Variants in DPP10 observed in about 807,000 individuals in gnomAD.
The protein encoded by DPP10 is inactive dipeptidyl peptidase 10.
In DPP10, 33 loss-of-function variants were observed where a neutral mutation model predicts 120.9. The ratio of observed to expected loss-of-function variants is 0.27; its 90% CI spans 0.21 to 0.37. DPP10 has a LOEUF of 0.37. DPP10 is among the 10% of genes least tolerant of loss of function. The pLI is 1.00. For missense variants in DPP10, 816 were observed against 942.8 expected (o/e 0.87, Z 1.76); for synonymous variants, 337 against 326.1 (o/e 1.03, Z -0.36).
At chr2:114,646,188 A>AAATAAATAAATG (rs1553475711) in intron 1 of DPP10, among the ~76,000 whole-genome samples, 36 of 151,352 alleles carry the variant, frequency 2.4e-4, no homozygotes, top group African/African-American at 8.3e-4. Flanking sequence ...ATAAATAAAT[A>AAATAAATAAATG]AATAAATAAA....
chr2:115,276,439 A>G (rs1460042418), intron 1 of DPP10, among the ~76,000 whole-genome samples: 1 of 152,188 alleles, frequency 6.6e-6, no homozygotes, highest in Non-Finnish European at 1.5e-5. Context: ...TGGGTTTCTA[A>G]TTCTGCAAGC....
At chr2:115,817,903 G>A (rs993854102) in intron 21 of DPP10, among the ~76,000 whole-genome samples, 4 of 152,068 alleles carry the variant, frequency 2.6e-5, no homozygotes, top group Non-Finnish European at 2.9e-5. Flanking sequence ...AAAAAAAAGA[G>A]TGAAATGGTT....
intron 1 of DPP10, among the ~76,000 whole-genome samples, chr2:115,089,121 T>C (rs1005685320): frequency 1.3e-5 from 2 of 152,136 alleles, no homozygotes; most frequent in South Asian, 2.1e-4. Context: ...TGATTTCCTC[T>C]TTTCCTTTTT....
chr2:114,834,776 A>G (rs1687534936), intron 1 of DPP10, among the ~76,000 whole-genome samples: 1 of 147,338 alleles, frequency 6.8e-6, no homozygotes, highest in African/African-American at 2.5e-5. Context: ...ACCTATGTAT[A>G]TATAAGCCAT....
chr2:114,519,269 T>A (rs1684853904), intron 1 of DPP10, among the ~76,000 whole-genome samples: 1 of 152,232 alleles, frequency 6.6e-6, no homozygotes, highest in Non-Finnish European at 1.5e-5. Flanking sequence ...AACTTCTCAC[T>A]GTTTTCCTCA....
intron 1 of DPP10, among the ~76,000 whole-genome samples, chr2:114,664,989 C>CCAAAAGATGGCACAGAGCATA (rs1558982845): frequency 6.1e-5 from 9 of 147,492 alleles, no homozygotes; most frequent in African/African-American, 2.4e-4. Context: ...CAGAGAGCAT[C>CCAAAAGATGGCACAGAGCATA]CAAAAGATGG....
intron 1 of DPP10, among the ~76,000 whole-genome samples, chr2:115,221,101 A>G (rs1000358461): frequency 6.6e-6 from 1 of 151,590 alleles, no homozygotes; most frequent in East Asian, 1.9e-4. Flanking sequence ...TTTTTTGCCC[A>G]GAGTGTGTGT....
chr2:115,621,272 T>C (rs979960496), intron 5 of DPP10, among the ~76,000 whole-genome samples: 1 of 152,204 alleles, frequency 6.6e-6, no homozygotes, highest in Non-Finnish European at 1.5e-5. Flanking sequence ...CTTTCAGAAG[T>C]GGAAAGAAGG....
At chr2:114,668,824 G>A (rs1476539630) in intron 1 of DPP10, among the ~76,000 whole-genome samples, 7 of 151,914 alleles carry the variant, frequency 4.6e-5, no homozygotes, top group Non-Finnish European at 1.5e-5. Context: ...ACTTTTTATT[G>A]CATTTCAAGC....
At chr2:115,278,884 G>A (rs568384226) in intron 1 of DPP10, among the ~76,000 whole-genome samples, 1 of 152,122 alleles carries the variant, frequency 6.6e-6, no homozygotes, top group East Asian at 1.9e-4. Flanking sequence ...GTTTTTTAAA[G>A]CTTTAGCTTT....
intron 3 of DPP10, among the ~76,000 whole-genome samples, chr2:115,499,094 T>A (rs113758840): frequency 3.5e-3 from 532 of 152,130 alleles, no homozygotes; most frequent in African/African-American, 0.012. Flanking sequence ...GATTCAATCT[T>A]AGGAGACATA....
At chr2:114,651,575 A>C (rs1287584601) in intron 1 of DPP10, among the ~76,000 whole-genome samples, 1 of 152,180 alleles carries the variant, frequency 6.6e-6, no homozygotes, top group African/African-American at 2.4e-5. Flanking sequence ...TCACACTTTG[A>C]AAACCACTAT....
chr2:115,802,944 G>A (rs1242355639), intron 19 of DPP10, among the ~76,000 whole-genome samples: 1 of 152,134 alleles, frequency 6.6e-6, no homozygotes. Context: ...ATGTCTATTA[G>A]GTCTGCTTGG....
At chr2:115,468,346 T>G (rs905885363) in intron 3 of DPP10, 78 of 513,044 alleles carry the variant, frequency 1.5e-4, no homozygotes, top group Non-Finnish European at 2.7e-5. Context: ...GCAACTCCAA[T>G]TGCTGGCTGC....
intron 1 of DPP10, among the ~76,000 whole-genome samples, chr2:115,280,834 C>T (rs1209778539): frequency 6.6e-6 from 1 of 152,180 alleles, no homozygotes; most frequent in Non-Finnish European, 1.5e-5. Context: ...AAATTCGTTT[C>T]TATGGATAAC....
intron 1 of DPP10, among the ~76,000 whole-genome samples, chr2:114,545,510 T>C (rs758943618): frequency 5.9e-5 from 9 of 152,192 alleles, no homozygotes; most frequent in African/African-American, 9.7e-5. Context: ...GAGATCAACA[T>C]ACAATGTCTT....
At chr2:115,219,961 A>G (rs1158018817) in intron 1 of DPP10, among the ~76,000 whole-genome samples, 2 of 152,206 alleles carry the variant, frequency 1.3e-5, no homozygotes, top group Non-Finnish European at 2.9e-5. Context: ...TTATTCACCC[A>G]ACTACATGCT....
intron 1 of DPP10, among the ~76,000 whole-genome samples, chr2:115,237,085 C>G (rs1008873803): frequency 6.6e-6 from 1 of 152,050 alleles, no homozygotes; most frequent in Non-Finnish European, 1.5e-5. Context: ...TCTATACAGA[C>G]AAAGCTTATT....
chr2:115,572,215 ATTT>A (rs34855802), intron 5 of DPP10, among the ~76,000 whole-genome samples: 9 of 147,760 alleles, frequency 6.1e-5, no homozygotes, highest in Middle Eastern at 3.6e-3. Context: ...ACCCACAAAC[ATTT>A]TTTTTTTTTG....
Sources: gnomAD v4.1 joint callset for allele counts (sites outside exome capture counted in the v4.1 genomes callset) on GRCh38, gnomAD v4.1.1 for gene constraint, MANE v1.5 for transcripts, NCBI Gene and HGNC (gene_info 2026-07-23, HGNC 2026-07-21) for gene names.